The following UBR4 variants were observed in gnomAD, a reference collection of about 807,000 sequenced individuals.
The protein encoded by UBR4 is E3 ubiquitin-protein ligase UBR4.
Under a neutral mutation model 575.6 loss-of-function variants are expected in UBR4, and 124 were observed. That is an observed-to-expected ratio of 0.22 (90% CI 0.19 to 0.25). UBR4 has a LOEUF of 0.25. UBR4 is among the 10% of genes least tolerant of loss of function. The probability of loss-of-function intolerance (pLI) is 1.00; values close to 1 mark genes in which losing one functional copy is unlikely to be tolerated. For missense variants in UBR4, 4,818 were observed against 6,478.8 expected (o/e 0.74, Z 8.80); for synonymous variants, 2,455 against 2,473.7 (o/e 0.99, Z 0.22).
intron 8 of UBR4, among the ~76,000 whole-genome samples, chr1:19,193,802 C>T (rs1468676959): frequency 6.6e-6 from 1 of 152,002 alleles, no homozygotes; most frequent in African/African-American, 2.4e-5. Context: ...GAATGTCCTT[C>T]AATAGGAGAA....
At chr1:19,158,111 TG>T in intron 39 of UBR4, 114 bp from the exon 40 acceptor site, 1 of 1,196,232 alleles carries the variant, frequency 8.4e-7, no homozygotes, top group Admixed American at 2.4e-5. Flanking sequence ...TCAAAAGCAG[TG>T]ATTTCGGCCT....
Position 19,119,575 on chromosome 1 carries a change from A to T in UBR4, c.10437T>A (p.Thr3479=). Reference sequence around the variant, plus strand: ...CTGTTACCTTCTTCTCTGTTTGTGGAGTTTTCAGGGAGAAATATCCTAGTA... The same window carrying T: ...CTGTTACCTTCTTCTCTGTTTGTGGTGTTTTCAGGGAGAAATATCCTAGTA... ...VDLLGYFSLK[T]PQTEKKLKEY... is the part of the protein sequence containing the mutation. Residue 3479 remains threonine, a synonymous_variant, in exon 70 of 106, where the codon ACT becomes ACA. Coordinates refer to ENST00000375254, the MANE Select transcript of UBR4 (RefSeq NM_020765.3). 2 of 1,613,506 alleles carry T rather than the reference A, an allele frequency of 1.2e-6. No homozygotes were observed. Among genetic ancestry groups the T allele is most frequent in the Non-Finnish European group, 1.7e-6 (2 of 1,179,466 alleles).
chr1:19,166,871 G>T, intron 29 of UBR4, 151 bp downstream of exon 29: 1 of 858,566 alleles, frequency 1.2e-6, no homozygotes, highest in Non-Finnish European at 1.8e-6. Flanking sequence ...ACTCCACCCT[G>T]GGCGACAGAG....
intron 18 of UBR4, among the ~76,000 whole-genome samples, chr1:19,178,110 T>C (rs762307537): frequency 6.6e-5 from 10 of 152,288 alleles, no homozygotes; most frequent in Non-Finnish European, 1.3e-4. Flanking sequence ...ATTAACAAAC[T>C]TGGACAGGTG....
Position 19,187,453 on chromosome 1 carries a change from C to T in UBR4, c.1482G>A (p.Glu494=). The change falls in exon 12 of 106, where the codon GAG becomes GAA. Residue 494 remains glutamate (E), a synonymous_variant. Coordinates refer to ENST00000375254, the MANE Select transcript of UBR4 (RefSeq NM_020765.3). ...LTSLFQDLQV[E]ALHKGWETDG... ...ATAACCTCCTCACCTTGTGAAGGGC[C>T]TCCACTTGTAGGTCTTGAAAGAGAG... 1.2e-6 allele frequency: 2 copies of T among 1,614,086 alleles called. No individual in the cohort carries two copies. The highest frequency in any genetic ancestry group is 8.5e-7 in the Non-Finnish European group (1 of 1,180,012).
At chr1:19,162,639 A>C in intron 34 of UBR4, 28 bp from the exon 35 acceptor site, 2 of 1,589,522 alleles carry the variant, frequency 1.3e-6, no homozygotes. Flanking sequence ...CAGCAACTTC[A>C]GATTCTCCAT....
chr1:19,180,313 C>G (rs540141630), intron 17 of UBR4, among the ~76,000 whole-genome samples: 2 of 152,180 alleles, frequency 1.3e-5, no homozygotes, highest in East Asian at 3.9e-4. Context: ...CTCAGCCTCC[C>G]GAGTAGCTGG....
In UBR4 at chr1:19,117,723, T is replaced by G; in HGVS notation, c.10629+100A>C. On this transcript the variant is annotated intron_variant, in intron 72 of 105. Coordinates refer to ENST00000375254, the MANE Select transcript of UBR4 (RefSeq NM_020765.3). The surrounding 1 kb of genome is among the most constrained non-coding windows in gnomAD (Gnocchi z 4.0). ...AATTCCTACTATCGGTGACCAACCA[T>G]TAGGAGAGGAACATCTATGTGATAA... is the stretch of plus-strand genomic sequence containing the variant. 8.4e-7 allele frequency: 1 copy of G among 1,195,814 alleles called. No individual in the cohort carries two copies. Among genetic ancestry groups the G allele is most frequent in the Non-Finnish European group, 1.2e-6 (1 of 817,218 alleles). 74.1% of individuals were successfully genotyped at this position (1,195,814 alleles called of 1,614,324 possible).
intron 1 of UBR4, among the ~76,000 whole-genome samples, chr1:19,202,491 G>A (rs59681755): frequency 0.27 from 41,746 of 151,980 alleles, 6,592 homozygotes; most frequent in East Asian, 0.61. Flanking sequence ...AAATAAGGCT[G>A]GCCTGTAATG....
In UBR4 at chr1:19,151,687, G is replaced by T. The variant is rs770107978; in HGVS notation, c.7169C>A (p.Thr2390Asn). 3.1e-6 allele frequency: 5 copies of T among 1,614,046 alleles called. No individual in the cohort carries two copies. The highest frequency in any genetic ancestry group is 4.2e-6 in the Non-Finnish European group (5 of 1,180,028). Residue 2390 changes from threonine (T) to asparagine (N), a missense_variant, in exon 48 of 106, where the codon ACC becomes AAC. By Grantham distance (65) the Thr-to-Asn change is moderately conservative. Transcript: ENST00000375254. ...SRSRWFDFPF[T>N]REEALQADKK... is the part of the protein sequence containing the mutation. ...ATCAGCCTGCAGGGCTTCTTCTCTG[G>T]TGAAGGGGAAGTCAAACCAGCGTGA...
At chr1:19,102,037 C>T (rs780292478) in intron 87 of UBR4, among the ~76,000 whole-genome samples, 16 of 152,190 alleles carry the variant, frequency 1.1e-4, no homozygotes, top group Non-Finnish European at 1.9e-4. Context: ...TAGTTTTTAG[C>T]TTCATTCTAA....
rs16862587 is a variant in UBR4 at position 19,193,274 on chromosome 1, C to T, written c.1143+159G>A. 7.9e-3 allele frequency among the ~76,000 whole-genome samples: 1,197 copies of T among 152,242 alleles called. 23 individuals are homozygous for T. The highest frequency in any genetic ancestry group is 0.067 in the East Asian group (348 of 5,186). On this transcript the variant is annotated intron_variant, in intron 9 of 105. Coordinates refer to ENST00000375254, the MANE Select transcript of UBR4 (RefSeq NM_020765.3). ...TACCAGATCAACCAATATACCAAAT[C>T]AACAAGCTGGATGCCTACCTCTTAG...
chr1:19,105,989 T>C (rs927503350), intron 83 of UBR4, 147 bp from the exon 84 acceptor site: 2 of 533,470 alleles, frequency 3.7e-6, no homozygotes, highest in Non-Finnish European at 6.6e-6. Flanking sequence ...AATCACCAGC[T>C]AACACAAGAC....
chr1:19,084,755 T>C, intron 101 of UBR4, 57 bp from the exon 102 acceptor site: 1 of 1,528,482 alleles, frequency 6.5e-7, no homozygotes, highest in Middle Eastern at 1.7e-4. Flanking sequence ...GAAAACCCAG[T>C]TTGGGAGACA....
intron 64 of UBR4, among the ~76,000 whole-genome samples, chr1:19,126,204 A>C (rs187181505): frequency 6.6e-6 from 1 of 152,340 alleles, no homozygotes; most frequent in Admixed American, 6.5e-5. Flanking sequence ...TTAATGTGAA[A>C]CGAGATAACC....
intron 3 of UBR4, 149 bp from the exon 4 acceptor site, chr1:19,199,077 C>T: frequency 1.2e-6 from 1 of 868,888 alleles, no homozygotes; most frequent in Non-Finnish European, 1.7e-6. Context: ...TGTCCTTAGA[C>T]CGTATGTAGC....
intron 11 of UBR4, among the ~76,000 whole-genome samples, chr1:19,189,876 A>G (rs896145659): frequency 2.6e-5 from 4 of 152,146 alleles, no homozygotes; most frequent in East Asian, 1.9e-4. Context: ...CCTAGTATCT[A>G]TCAACTTACC....
intron 17 of UBR4, among the ~76,000 whole-genome samples, chr1:19,183,465 T>C (rs1378879704): frequency 6.6e-6 from 1 of 152,220 alleles, no homozygotes; most frequent in Non-Finnish European, 1.5e-5. Flanking sequence ...CTCACGCCTA[T>C]AATCCCAGCA....
At chr1:19,158,129 C>T (rs373245587) in intron 39 of UBR4, 132 bp from the exon 40 acceptor site, 6 of 853,050 alleles carry the variant, frequency 7.0e-6, no homozygotes, top group African/African-American at 6.8e-5. Flanking sequence ...GCCTCCAAAC[C>T]GTGGATGGCT....
Sources: gnomAD v4.1 joint callset for allele counts (sites outside exome capture counted in the v4.1 genomes callset) on GRCh38, gnomAD v4.1.1 for gene constraint, Gnocchi (gnomAD v3.1) non-coding constraint, MANE v1.5 for transcripts, NCBI Gene and HGNC (gene_info 2026-07-23, HGNC 2026-07-21) for gene names.